Variants in JDP2 observed in about 807,000 individuals in gnomAD.
The protein encoded by JDP2 is progesterone receptor co-activator.
A neutral mutation model predicts 17.1 loss-of-function variants in JDP2; 9 were observed. The observed-to-expected ratio is 0.53, with a 90% CI of 0.32 to 0.92. The LOEUF is 0.92. Among genes scored for constraint, JDP2 ranks in the 40% least tolerant of loss-of-function variants. The pLI is 0.04. For synonymous variants in JDP2, 107 were observed against 95.6 expected, an observed-to-expected ratio of 1.12 and a Z score of -0.69; for missense variants, 179 against 220.0, an observed-to-expected ratio of 0.81 and a Z score of 1.18.
intron 2 of JDP2, chr14:75,445,375 C>T: frequency 4.1e-6 from 4 of 985,470 alleles, no homozygotes; most frequent in Non-Finnish European, 4.8e-6. Context: ...ATTGACTGTG[C>T]TCTGCTCTGT....
Position 75,459,312 on chromosome 14 carries a change from C to G in JDP2, c.202-2114C>G, listed in dbSNP as rs146492459. Among the ~76,000 whole-genome samples the G allele has an allele frequency of 3.9e-5, 6 of 152,354 alleles. No homozygotes were observed. The East Asian group carries it at 1.2e-3, about 29-fold the overall frequency. On this transcript the variant is annotated intron_variant, in intron 2 of 3. Coordinates refer to ENST00000651602, the MANE Select transcript of JDP2 (RefSeq NM_001135048.2). ...GGCGGAATCAATTTCAGCCAGGTTT[C>G]TATTTTCCCAGATGCAGGTCAGCCA...
rs188230964 is a variant in JDP2 at position 75,474,082 on chromosome 14, G to A, written c.*4607G>A. On this transcript the variant is annotated 3_prime_UTR_variant, in exon 4 of 4. Transcript: ENST00000651602. ...CTCCTCTGTATATTTGATATTCTTT[G>A]CAATAAAAGAGAACAAGCCACAATA... 6.6e-6 allele frequency: 1 copy of A among 152,078 alleles called. No individual in the cohort carries two copies. The highest frequency in any genetic ancestry group is 2.4e-5 in the African/African-American group (1 of 41,350). 9.4% of individuals were successfully genotyped at this position (152,078 alleles called of 1,614,324 possible).
chr14:75,450,033 G>A (rs912655059), intron 2 of JDP2, among the ~76,000 whole-genome samples: 11 of 152,118 alleles, frequency 7.2e-5, no homozygotes, highest in Middle Eastern at 3.2e-3. Flanking sequence ...CTCACACCTC[G>A]GCGGCCTGTT....
intron 2 of JDP2, among the ~76,000 whole-genome samples, chr14:75,446,144 A>G (rs2081338): frequency 0.54 from 82,803 of 152,016 alleles, 23,664 homozygotes; most frequent in African/African-American, 0.73. Context: ...AGTGAAAAAA[A>G]AGAGATAATA....
At chr14:75,443,734 A>T (rs1328857832) in intron 2 of JDP2, among the ~76,000 whole-genome samples, 1 of 152,142 alleles carries the variant, frequency 6.6e-6, no homozygotes, top group South Asian at 2.1e-4. Flanking sequence ...ACCCACTGTT[A>T]TCCTAGCACA....
At chr14:75,455,230 C>T (rs1162642440) in intron 2 of JDP2, among the ~76,000 whole-genome samples, 1 of 152,136 alleles carries the variant, frequency 6.6e-6, no homozygotes, top group Admixed American at 6.5e-5. Context: ...TTGGGTGAGG[C>T]TGATTGTGCT....
chr14:75,438,642 C>A (rs1053019375), intron 2 of JDP2, among the ~76,000 whole-genome samples: 1 of 152,228 alleles, frequency 6.6e-6, no homozygotes, highest in Non-Finnish European at 1.5e-5. Flanking sequence ...GGCCTCCCTT[C>A]CCAAGCAGCT....
intron 2 of JDP2, among the ~76,000 whole-genome samples, chr14:75,438,679 G>A (rs1167858492): frequency 1.3e-5 from 2 of 152,240 alleles, no homozygotes; most frequent in Non-Finnish European, 2.9e-5. Context: ...GCCTCGGTCA[G>A]CCAGCAGTGT....
intron 2 of JDP2, among the ~76,000 whole-genome samples, chr14:75,445,945 A>G (rs1386890993): frequency 1.3e-5 from 2 of 152,208 alleles, no homozygotes; most frequent in African/African-American, 2.4e-5. Flanking sequence ...ATAAAGAATG[A>G]TTACAGCTCA....
chr14:75,438,059 A>G lies in JDP2; in HGVS notation c.139A>G (p.Ile47Val). ...TGACATCCGCAACCTCGGGGCCATG[A>G]TTGCACCCTTGCACTTCCTGGAGGT... ...YADIRNLGAM[I>V]APLHFLEVKL... The change falls in exon 2 of 4, where the codon ATT becomes GTT. Residue 47 changes from isoleucine to valine, a missense_variant. Ile to Val is a conservative substitution (Grantham distance 29, BLOSUM62 3). Coordinates refer to ENST00000651602, the MANE Select transcript of JDP2 (RefSeq NM_001135048.2). 1 of 1,613,986 alleles carries G rather than the reference A, an allele frequency of 6.2e-7. No individual in the cohort carries two copies. Among genetic ancestry groups the G allele is most frequent in the Non-Finnish European group, 8.5e-7 (1 of 1,179,934 alleles).
intron 3 of JDP2, among the ~76,000 whole-genome samples, chr14:75,464,085 G>A (rs1422820505): frequency 1.3e-5 from 2 of 152,172 alleles, no homozygotes; most frequent in Non-Finnish European, 2.9e-5. Context: ...CATTGTCTGG[G>A]CCCAAGCCCA....
chr14:75,428,372 C>T lies in JDP2; in HGVS notation c.-24+120C>T, dbSNP rs1352171113. On this transcript the variant is annotated intron_variant, in intron 1 of 3. Coordinates refer to ENST00000651602, the MANE Select transcript of JDP2 (RefSeq NM_001135048.2). The surrounding 1 kb of genome is among the most constrained non-coding windows in gnomAD (Gnocchi z 5.6). The stretch of plus-strand genomic sequence containing the variant: ...AGCGCGAGGAGCCCCAGCCCAGCCC[C>T]GCGGGGAGGCTCCCGCAGCCCAGGG... The T allele has an allele frequency of 3.3e-5, 5 of 149,902 alleles. No individual in the cohort carries two copies. Among genetic ancestry groups the T allele is most frequent in the African/African-American group, 1.2e-4 (5 of 41,142 alleles). 9.3% of individuals were successfully genotyped at this position (149,902 alleles called of 1,614,324 possible).
chr14:75,437,802 G>C lies in JDP2; in HGVS notation c.-23-96G>C, dbSNP rs1885138639. 7.6e-6 allele frequency: 6 copies of C among 794,464 alleles called. No homozygotes were observed. The South Asian group carries it at 1.2e-4, about 16-fold the overall frequency. 49.2% of individuals were successfully genotyped at this position (794,464 alleles called of 1,614,324 possible). A position where few individuals can be genotyped will look rare whatever the true frequency, so the allele number is the denominator to read the frequency against. ...GGGAAAGGGATTCAGGGGAACATTG[G>C]TGAAAGAAGCCACAGTCCTGGCAAG... is the stretch of plus-strand genomic sequence containing the variant. On this transcript the variant is annotated intron_variant, in intron 1 of 3. Coordinates refer to ENST00000651602, the MANE Select transcript of JDP2 (RefSeq NM_001135048.2).
At chr14:75,431,420 A>T (rs548516877) in intron 1 of JDP2, among the ~76,000 whole-genome samples, 1 of 152,040 alleles carries the variant, frequency 6.6e-6, no homozygotes, top group South Asian at 2.1e-4. Context: ...CTTCTCTTGA[A>T]CCCAGCTACC....
chr14:75,438,987 G>A (rs1333419320), intron 2 of JDP2, among the ~76,000 whole-genome samples: 3 of 152,244 alleles, frequency 2.0e-5, no homozygotes, highest in African/African-American at 7.2e-5. Context: ...CCTGTGGTGG[G>A]AGGTGGGGAA....
In JDP2 at chr14:75,470,445, T is replaced by C. The variant is rs1758752157; in HGVS notation, c.*970T>C. 6.6e-6 allele frequency: 1 copy of C among 152,628 alleles called. No homozygotes were observed. The highest frequency in any genetic ancestry group is 6.5e-5 in the Admixed American group (1 of 15,280). 9.5% of individuals were successfully genotyped at this position (152,628 alleles called of 1,614,324 possible). A position where few individuals can be genotyped will look rare whatever the true frequency, so the allele number is the denominator to read the frequency against. Reference sequence around the variant, plus strand: ...TCCTGTATCGCTCAGTAAACATTGCTCTTACTTACATAGCCGCCTTGCGTG... The same window carrying C: ...TCCTGTATCGCTCAGTAAACATTGCCCTTACTTACATAGCCGCCTTGCGTG... On this transcript the variant is annotated 3_prime_UTR_variant, in exon 4 of 4. Coordinates refer to ENST00000651602, the MANE Select transcript of JDP2 (RefSeq NM_001135048.2).
chr14:75,465,666 C>T (rs1460084065), intron 3 of JDP2, among the ~76,000 whole-genome samples: 3 of 152,142 alleles, frequency 2.0e-5, no homozygotes, highest in Non-Finnish European at 2.9e-5. Flanking sequence ...TCCCCTGGGC[C>T]AATCATCATA....
chr14:75,470,706 A>G lies in JDP2; in HGVS notation c.*1231A>G, dbSNP rs917981595. 2.0e-5 allele frequency: 3 copies of G among 152,220 alleles called. No individual in the cohort carries two copies. The highest frequency in any genetic ancestry group is 2.4e-5 in the African/African-American group (1 of 41,452). 9.4% of individuals were successfully genotyped at this position (152,220 alleles called of 1,614,324 possible). ...GTGCCAGGCCCTGAGAATTCACTGG[A>G]GGATGAAACAGACCTAAGTCTTGCC... On this transcript the variant is annotated 3_prime_UTR_variant, in exon 4 of 4. Coordinates refer to ENST00000651602, the MANE Select transcript of JDP2 (RefSeq NM_001135048.2).
At chr14:75,448,979 T>C (rs1282825662) in intron 2 of JDP2, among the ~76,000 whole-genome samples, 1 of 152,216 alleles carries the variant, frequency 6.6e-6, no homozygotes, top group Non-Finnish European at 1.5e-5. Context: ...GTAAAACCCC[T>C]CTTCCATCCT....
Sources: allele counts gnomAD v4.1 joint callset (sites outside exome capture counted in the v4.1 genomes callset), GRCh38; gene constraint gnomAD v4.1.1; non-coding constraint Gnocchi (gnomAD v3.1); transcripts MANE v1.5; gene names NCBI Gene and HGNC (gene_info 2026-07-23, HGNC 2026-07-21).